EXOC2: variants seen among roughly 807,000 people sequenced by gnomAD.
EXOC2 encodes SEC5-like 1.
EXOC2 carries 70 observed loss-of-function variants against 131.8 expected under a neutral mutation model. The observed-to-expected ratio is 0.53, with a 90% CI of 0.44 to 0.65. The LOEUF (loss-of-function observed/expected upper bound fraction) is 0.65, where lower values mean the gene tolerates loss of function less well. EXOC2 is among the 30% of genes least tolerant of loss of function. The probability of loss-of-function intolerance (pLI) is 0.00; values close to 1 mark genes in which losing one functional copy is unlikely to be tolerated. For synonymous variants in EXOC2, 411 were observed against 398.4 expected, an observed-to-expected ratio of 1.03 and a Z score of -0.38; for missense variants, 923 against 1,108.6, an observed-to-expected ratio of 0.83 and a Z score of 2.38.
At chr6:578,047 C>T (rs910347374) in intron 11 of EXOC2, among the ~76,000 whole-genome samples, 5 of 152,202 alleles carry the variant, frequency 3.3e-5, no homozygotes, top group East Asian at 1.9e-4. Context: ...CCACCAAAGA[C>T]TGCTGTTTTC....
At chr6:579,839 A>G (rs1758787377) in intron 11 of EXOC2, among the ~76,000 whole-genome samples, 1 of 152,208 alleles carries the variant, frequency 6.6e-6, no homozygotes, top group African/African-American at 2.4e-5. Context: ...GACTCACAAA[A>G]TTATTACAAA....
chr6:573,490 G>A lies in EXOC2; in HGVS notation c.1319-846C>T, dbSNP rs368605814. On this transcript the variant is annotated intron_variant, in intron 12 of 27. Transcript: ENST00000230449. ...CCAGTCCTCAGCACAATGACGCCGC[G>A]GATCAGGCTCTAACTCCTACTCAGC... Among the ~76,000 whole-genome samples the A allele has an allele frequency of 8.6e-4, 131 of 152,190 alleles. 4 individuals carry two copies. In the East Asian group the frequency reaches 0.024, roughly 28 times the overall value.
At chr6:598,654 A>G (rs1759956314) in intron 9 of EXOC2, among the ~76,000 whole-genome samples, 2 of 152,252 alleles carry the variant, frequency 1.3e-5, no homozygotes, top group Non-Finnish European at 2.9e-5. Context: ...TCTCAGGCGA[A>G]CAACCTAGAG....
intron 22 of EXOC2, among the ~76,000 whole-genome samples, chr6:545,062 G>A (rs374503655): frequency 2.7e-5 from 4 of 150,378 alleles, no homozygotes; most frequent in African/African-American, 9.8e-5. Flanking sequence ...CAGGAGAATG[G>A]CGTGAACCCG....
chr6:507,043 C>T (rs1163835196), intron 23 of EXOC2, among the ~76,000 whole-genome samples: 3 of 150,396 alleles, frequency 2.0e-5, no homozygotes, highest in Non-Finnish European at 4.4e-5. Context: ...ACCACACACA[C>T]ACACACACAG....
At position 598,883 on chromosome 6, in the gene EXOC2, G is replaced by A. The variant is rs1561908008; in HGVS notation, c.947C>T (p.Thr316Met). ...YEKAKSLFGK[T>M]EVQVFKKYYA... ...ACATTTCTTGAAAACTTGCACCTCC[G>A]TTTTCCCAAAAAGTGACTTGGCCTT... is the stretch of plus-strand genomic sequence containing the variant. The change falls in exon 9 of 28, where the codon ACG (threonine) becomes ATG (methionine). Residue 316 changes from threonine to methionine, a missense_variant. Thr to Met is a moderately conservative substitution (Grantham distance 81, BLOSUM62 -1). Coordinates refer to ENST00000230449, the MANE Select transcript of EXOC2 (RefSeq NM_018303.6). 1 of 1,611,098 alleles carries A rather than the reference G, an allele frequency of 6.2e-7. No homozygotes were observed. Among genetic ancestry groups the A allele is most frequent in the South Asian group, 1.1e-5 (1 of 89,952 alleles).
intron 25 of EXOC2, among the ~76,000 whole-genome samples, chr6:495,419 C>T (rs967598591): frequency 3.7e-4 from 56 of 151,858 alleles, no homozygotes; most frequent in African/African-American, 1.2e-3. Flanking sequence ...CCACCGCGCC[C>T]GGCCTGAACA....
At chr6:536,108 T>G (rs1766427825) in intron 22 of EXOC2, among the ~76,000 whole-genome samples, 2 of 152,160 alleles carry the variant, frequency 1.3e-5, no homozygotes, top group Non-Finnish European at 2.9e-5. Flanking sequence ...AGATCAGGAA[T>G]AAGGCAAAGT....
At chr6:570,323 T>C (rs3823124) in intron 13 of EXOC2, among the ~76,000 whole-genome samples, 46,085 of 151,928 alleles carry the variant, frequency 0.3, 7,461 homozygotes, top group African/African-American at 0.41. Context: ...TTAGTAGAGA[T>C]GGGGTTTCAC....
chr6:493,359 C>G (rs1763544335), intron 25 of EXOC2, among the ~76,000 whole-genome samples: 1 of 152,126 alleles, frequency 6.6e-6, no homozygotes, highest in African/African-American at 2.4e-5. Flanking sequence ...TGTTTATATT[C>G]TAGTATAGGT....
At chr6:678,253 C>A (rs951806641) in intron 1 of EXOC2, among the ~76,000 whole-genome samples, 1 of 152,218 alleles carries the variant, frequency 6.6e-6, no homozygotes, top group Non-Finnish European at 1.5e-5. Context: ...GGCAGAAATT[C>A]AAATCCTAAC....
chr6:582,911 G>A (rs1022756061), intron 11 of EXOC2, among the ~76,000 whole-genome samples: 1 of 152,002 alleles, frequency 6.6e-6, no homozygotes, highest in Admixed American at 6.6e-5. Context: ...GCAGCATTTC[G>A]GACGTGCATT....
chr6:618,232 T>C (rs531299427), intron 5 of EXOC2, among the ~76,000 whole-genome samples: 1 of 152,350 alleles, frequency 6.6e-6, no homozygotes, highest in Admixed American at 6.5e-5. Flanking sequence ...AAGATGGAAC[T>C]GCTTTGTACA....
chr6:583,818 C>T (rs1199034694), intron 11 of EXOC2, among the ~76,000 whole-genome samples: 1 of 152,196 alleles, frequency 6.6e-6, no homozygotes, highest in East Asian at 1.9e-4. Flanking sequence ...CCCTGGAGGT[C>T]CGCCCACTGG....
intron 7 of EXOC2, among the ~76,000 whole-genome samples, chr6:608,916 T>C (rs551601694): frequency 5.9e-5 from 9 of 152,362 alleles, no homozygotes; most frequent in Admixed American, 1.3e-4. Flanking sequence ...ACTATGCTAA[T>C]ATAGAAACAG....
intron 22 of EXOC2, among the ~76,000 whole-genome samples, chr6:540,914 C>T (rs915521625): frequency 6.6e-6 from 1 of 152,188 alleles, no homozygotes; most frequent in African/African-American, 2.4e-5. Flanking sequence ...AAAAACCTTA[C>T]TACATTTTTC....
At chr6:639,698 C>CCA (rs1413543862) in intron 1 of EXOC2, among the ~76,000 whole-genome samples, 3 of 152,174 alleles carry the variant, frequency 2.0e-5, no homozygotes, top group African/African-American at 7.2e-5. Context: ...TGTAAACTGC[C>CCA]CACACACAAA....
chr6:629,740 G>A (rs1477916079), intron 4 of EXOC2, 95 bp downstream of exon 4: 1 of 1,457,250 alleles, frequency 6.9e-7, no homozygotes, highest in African/African-American at 1.4e-5. Context: ...TGTGTTTCCT[G>A]GGATGTTTCT....
At chr6:690,202 T>C (rs1764852582) in intron 1 of EXOC2, among the ~76,000 whole-genome samples, 1 of 152,050 alleles carries the variant, frequency 6.6e-6, no homozygotes, top group Non-Finnish European at 1.5e-5. Flanking sequence ...AAATAATTTT[T>C]AAAATGAGCC....
Sources: allele counts gnomAD v4.1 joint callset (sites outside exome capture counted in the v4.1 genomes callset), GRCh38; gene constraint gnomAD v4.1.1; transcripts MANE v1.5; gene names NCBI Gene and HGNC (gene_info 2026-07-23, HGNC 2026-07-21).